Variants in TANC1 observed in about 807,000 individuals in gnomAD.
TANC1 encodes the protein protein TANC1.
TANC1 carries 77 observed loss-of-function variants against 149.7 expected under a neutral mutation model. That is an observed-to-expected ratio of 0.51 (90% CI 0.43 to 0.62). The LOEUF is 0.62. Ranked by LOEUF, TANC1 falls within the 20% of genes least tolerant of loss-of-function variation. The probability of loss-of-function intolerance (pLI) is 0.00; values close to 1 mark genes in which losing one functional copy is unlikely to be tolerated. For missense variants in TANC1, 1,985 were observed against 2,321.8 expected, an observed-to-expected ratio of 0.85 and a Z score of 2.98; for synonymous variants, 854 against 925.0, an observed-to-expected ratio of 0.92 and a Z score of 1.39.
chr2:159,029,024 G>A (rs2149469547), intron 2 of TANC1, among the ~76,000 whole-genome samples: 1 of 152,236 alleles, frequency 6.6e-6, no homozygotes, highest in South Asian at 2.1e-4. Context: ...CCAAAGTGTT[G>A]GGATTACAGG....
At chr2:159,096,529 A>G (rs1419089129) in intron 3 of TANC1, among the ~76,000 whole-genome samples, 3 of 152,220 alleles carry the variant, frequency 2.0e-5, no homozygotes, top group Non-Finnish European at 4.4e-5. Context: ...AGATGGAACA[A>G]TGGCGAGAGC....
intron 3 of TANC1, among the ~76,000 whole-genome samples, chr2:159,070,527 T>G (rs181154246): frequency 4.7e-4 from 72 of 152,322 alleles, no homozygotes; most frequent in Non-Finnish European, 8.1e-4. Flanking sequence ...CACAGAGTAG[T>G]TTCATGGCTC....
At chr2:159,158,929 T>A (rs1175274953) in intron 7 of TANC1, among the ~76,000 whole-genome samples, 1 of 152,218 alleles carries the variant, frequency 6.6e-6, no homozygotes, top group African/African-American at 2.4e-5. Context: ...TCTCTGTAGC[T>A]CAAAGAGAAG....
rs550911580 is a variant in TANC1 at position 158,991,321 on chromosome 2, A to G, written c.-125-9759A>G. Among the ~76,000 whole-genome samples the G allele has an allele frequency of 9.9e-5, 15 of 152,256 alleles. No homozygotes were observed. The East Asian group carries it at 2.7e-3, about 27-fold the overall frequency. On this transcript the variant is annotated intron_variant, in intron 1 of 26. Transcript: ENST00000263635. ...CATTTTTACAGTGCACGGTCTGATTAAGTAAATTTTGGTACATCCATACGA... is the reference window on the plus strand; with the variant it reads ...CATTTTTACAGTGCACGGTCTGATTGAGTAAATTTTGGTACATCCATACGA...
intron 2 of TANC1, among the ~76,000 whole-genome samples, chr2:159,034,352 T>C (rs1193978050): frequency 1.3e-5 from 2 of 152,208 alleles, no homozygotes; most frequent in Non-Finnish European, 2.9e-5. Context: ...GGCATAAATA[T>C]TTCCCACCTG....
chr2:159,104,380 C>T (rs1287702891), intron 4 of TANC1, among the ~76,000 whole-genome samples: 1 of 95,476 alleles, frequency 1.0e-5, no homozygotes, highest in Admixed American at 1.1e-4. Flanking sequence ...TGATGATGCC[C>T]AGCTCCTACG....
rs1305431147 is a variant in TANC1 at position 159,102,875 on chromosome 2, C to T, written c.259+5041C>T. 3.2e-5 allele frequency among the ~76,000 whole-genome samples: 3 copies of T among 94,098 alleles called. 1 individual carries two copies. The highest frequency in any genetic ancestry group is 9.2e-5 in the African/African-American group (3 of 32,480). The allele number at this position is 94,098 out of a possible 152,430, so 61.7% of individuals were successfully genotyped here. A position where few individuals can be genotyped will look rare whatever the true frequency, so the allele number is the denominator to read the frequency against. On this transcript the variant is annotated intron_variant, in intron 4 of 26. Coordinates refer to ENST00000263635, the MANE Select transcript of TANC1 (RefSeq NM_033394.3). ...CTGGGACTACAGGCACCCACCACCACGCCTGGCTAATTTTTTGTATTTTTA... is the reference window on the plus strand; with the variant it reads ...CTGGGACTACAGGCACCCACCACCATGCCTGGCTAATTTTTTGTATTTTTA...
intron 8 of TANC1, among the ~76,000 whole-genome samples, chr2:159,168,474 TG>T (rs1430050153): frequency 6.6e-6 from 1 of 151,914 alleles, no homozygotes; most frequent in East Asian, 1.9e-4. Flanking sequence ...TAATTTTTTT[TG>T]TTTTTTAGTA....
chr2:159,078,668 A>G (rs918558572), intron 3 of TANC1, among the ~76,000 whole-genome samples: 3 of 152,312 alleles, frequency 2.0e-5, no homozygotes, highest in African/African-American at 7.2e-5. Flanking sequence ...TTCCCCCTCC[A>G]TCCATTAAAT....
intron 1 of TANC1, among the ~76,000 whole-genome samples, chr2:158,992,722 G>T (rs13004963): frequency 7.2e-6 from 1 of 138,346 alleles, no homozygotes; most frequent in South Asian, 2.2e-4. Context: ...GGGTTTCACC[G>T]TGTTAGCCAG....
intron 2 of TANC1, among the ~76,000 whole-genome samples, chr2:159,047,424 G>A (rs1361743436): frequency 1.3e-5 from 2 of 151,978 alleles, no homozygotes; most frequent in African/African-American, 4.8e-5. Context: ...CACCGTGAAA[G>A]AAAAATATCT....
chr2:159,000,600 G>A (rs1264149381), intron 1 of TANC1, among the ~76,000 whole-genome samples: 2 of 152,084 alleles, frequency 1.3e-5, no homozygotes, highest in Non-Finnish European at 2.9e-5. Context: ...TGGCTAAAGA[G>A]GAGGGTTGCA....
In TANC1 at chr2:159,036,151, C is replaced by T. The variant is rs1377775181; in HGVS notation, c.-15-29745C>T. Among the ~76,000 whole-genome samples, 4 of 152,104 alleles carry T rather than the reference C, an allele frequency of 2.6e-5. No individual in the cohort carries two copies. In the South Asian group the frequency reaches 8.3e-4, roughly 32 times the overall value. ...AGCTGGGAGACGATTCCCTTCCTGG[C>T]TGCCAGGGCCCTCTCCCTTTTATGA... On this transcript the variant is annotated intron_variant, in intron 2 of 26. Transcript: ENST00000263635.
chr2:159,012,950 A>G lies in TANC1; in HGVS notation c.-16+11761A>G, dbSNP rs528048197. Among the ~76,000 whole-genome samples, 4 of 152,286 alleles carry G rather than the reference A, an allele frequency of 2.6e-5. No individual in the cohort carries two copies. In the East Asian group the frequency reaches 5.8e-4, roughly 22 times the overall value. ...TGGTAGTTTTGCATGGTATTTATGTAGCTCTATTTTTTAGCCAGGGTATAT... is the reference window on the plus strand; with the variant it reads ...TGGTAGTTTTGCATGGTATTTATGTGGCTCTATTTTTTAGCCAGGGTATAT... On this transcript the variant is annotated intron_variant, in intron 2 of 26. Transcript: ENST00000263635.
At chr2:159,061,416 T>A (rs1056406317) in intron 2 of TANC1, among the ~76,000 whole-genome samples, 2 of 152,216 alleles carry the variant, frequency 1.3e-5, no homozygotes, top group African/African-American at 4.8e-5. Flanking sequence ...CAGTGAGTTA[T>A]AAGACTCTCA....
chr2:159,202,014 C>T (rs578239631), intron 19 of TANC1, among the ~76,000 whole-genome samples: 2 of 152,336 alleles, frequency 1.3e-5, no homozygotes, highest in East Asian at 3.9e-4. Flanking sequence ...ATTCTTCCTC[C>T]AGTTTTCTGC....
At chr2:159,144,940 G>A (rs944599786) in intron 5 of TANC1, among the ~76,000 whole-genome samples, 5 of 152,168 alleles carry the variant, frequency 3.3e-5, no homozygotes, top group African/African-American at 7.2e-5. Flanking sequence ...AGTCAACTTC[G>A]AGGTCACATG....
chr2:159,206,504 G>A (rs1198604539), intron 19 of TANC1, among the ~76,000 whole-genome samples: 1 of 152,188 alleles, frequency 6.6e-6, no homozygotes, highest in Admixed American at 6.5e-5. Context: ...CCCAGGGGTG[G>A]TGTCTCAAGC....
intron 1 of TANC1, among the ~76,000 whole-genome samples, chr2:158,999,660 A>C (rs73969408): frequency 0.097 from 14,716 of 152,224 alleles, 726 homozygotes; most frequent in Non-Finnish European, 0.11. Flanking sequence ...TTGTTCTGGA[A>C]GGGCAAGGGA....
Sources: gnomAD v4.1 joint callset for allele counts (sites outside exome capture counted in the v4.1 genomes callset) on GRCh38, gnomAD v4.1.1 for gene constraint, MANE v1.5 for transcripts, NCBI Gene and HGNC (gene_info 2026-07-23, HGNC 2026-07-21) for gene names.